PPP2R5C: variants seen among roughly 807,000 people sequenced by gnomAD.
PPP2R5C encodes the protein serine/threonine-protein phosphatase 2A 56 kDa regulatory subunit gamma isoform.
Under a neutral mutation model 68.9 loss-of-function variants are expected in PPP2R5C, and 7 were observed. The observed-to-expected ratio is 0.10, with a 90% CI of 0.06 to 0.19. The LOEUF is 0.19. PPP2R5C is among the 10% of genes least tolerant of loss of function. The pLI, the probability that PPP2R5C is intolerant of heterozygous loss-of-function variation, is 1.00. For missense variants in PPP2R5C, 348 were observed against 641.3 expected, an observed-to-expected ratio of 0.54 and a Z score of 4.94; for synonymous variants, 210 against 222.2, an observed-to-expected ratio of 0.95 and a Z score of 0.49.
rs1000920904 is a variant in PPP2R5C, at chr14:101,835,351, C to G, written c.95-21335C>G. Among the ~76,000 whole-genome samples the G allele has an allele frequency of 6.6e-6, 1 of 152,194 alleles. No homozygotes were observed. The highest frequency in any genetic ancestry group is 2.4e-5 in the African/African-American group (1 of 41,432). On this transcript the variant is annotated intron_variant, in intron 1 of 13. Transcript: ENST00000334743. This position sits in a 1 kb window ranked among gnomAD's most constrained non-coding sequence, Gnocchi z 5.0. ...CGTGGCCTAAACTCCACAGTGACTT[C>G]CACCTGGGATCACAGTTTACAGTCA... is the stretch of plus-strand genomic sequence containing the variant.
chr14:101,810,703 A>T (rs1401914088), intron 1 of PPP2R5C, among the ~76,000 whole-genome samples: 3 of 152,216 alleles, frequency 2.0e-5, no homozygotes. Flanking sequence ...TTAAAATTTT[A>T]AATGGCAACA....
chr14:101,919,662 TAC>T (rs1241211857), intron 13 of PPP2R5C, among the ~76,000 whole-genome samples: 2 of 152,172 alleles, frequency 1.3e-5, no homozygotes, highest in African/African-American at 4.8e-5. Flanking sequence ...CACGAGGCTA[TAC>T]ACAGTTAAAA....
chr14:101,869,296 C>G (rs1043571385), intron 2 of PPP2R5C, among the ~76,000 whole-genome samples: 3 of 152,194 alleles, frequency 2.0e-5, no homozygotes, highest in Non-Finnish European at 2.9e-5. Context: ...AGTGTTGTCT[C>G]ATTATATAAA....
chr14:101,919,969 C>CCAAAAAAAAAAAAAAAAAA (rs775818748), intron 13 of PPP2R5C, among the ~76,000 whole-genome samples: 8 of 52,864 alleles, frequency 1.5e-4, no homozygotes, highest in Non-Finnish European at 2.7e-4. Context: ...AACTCCGTCT[C>CCAAAAAAAAAAAAAAAAAA]AAAAAAAAAA....
chr14:101,902,928 T>C (rs760025227), intron 9 of PPP2R5C, among the ~76,000 whole-genome samples: 9 of 152,028 alleles, frequency 5.9e-5, no homozygotes, highest in Non-Finnish European at 1.0e-4. Context: ...GTGTAGTCTC[T>C]TCCATACAAA....
Position 101,811,926 on chromosome 14 carries a change from G to GTTGGTTGC in PPP2R5C, c.94+1894_94+1901dup, listed in dbSNP as rs1260845759. Among the ~76,000 whole-genome samples the GTTGGTTGC allele has an allele frequency of 2.6e-5, 4 of 152,178 alleles. No homozygotes were observed. The South Asian group carries it at 8.3e-4, about 32-fold the overall frequency. On this transcript the variant is annotated intron_variant, in intron 1 of 13. Transcript: ENST00000334743. ...TGTATTTGTTGCTGTTGGTTGGGTG[G>GTTGGTTGC]TTGGTTGCTTGCTGTATAATTGTGG...
Position 101,888,735 on chromosome 14 carries a change from G to C in PPP2R5C, c.630-1502G>C, listed in dbSNP as rs534488116. ...GCCTCCCACATATGTGGGATTACAGGCATGTGCCACCATGCCCGGCTAATT... is the reference window on the plus strand; with the variant it reads ...GCCTCCCACATATGTGGGATTACAGCCATGTGCCACCATGCCCGGCTAATT... On this transcript the variant is annotated intron_variant, in intron 5 of 13. Transcript: ENST00000334743. The surrounding 1 kb of genome is among the most constrained non-coding windows in gnomAD (Gnocchi z 5.6). 2.0e-4 allele frequency among the ~76,000 whole-genome samples: 31 copies of C among 152,256 alleles called. No homozygotes were observed. Among genetic ancestry groups the C allele is most frequent in the African/African-American group, 7.5e-4 (31 of 41,552 alleles).
intron 13 of PPP2R5C, among the ~76,000 whole-genome samples, chr14:101,919,969 CA>C (rs34641396): frequency 4.7e-3 from 249 of 52,880 alleles, no homozygotes; most frequent in African/African-American, 0.013. Flanking sequence ...AACTCCGTCT[CA>C]AAAAAAAAAA....
intron 2 of PPP2R5C, among the ~76,000 whole-genome samples, chr14:101,871,103 G>T (rs2043380794): frequency 6.6e-6 from 1 of 152,080 alleles, no homozygotes; most frequent in Non-Finnish European, 1.5e-5. Context: ...GCGCTCTTCT[G>T]ACTAGTGTTG....
At chr14:101,809,405 C>CCA, upstream of PPP2R5C, among the ~76,000 whole-genome samples, 1 of 136,924 alleles carries the variant, frequency 7.3e-6, no homozygotes, top group South Asian at 2.3e-4. Context: ...AAAAAAAAAA[C>CCA]AAAAAAAAAA....
At position 101,783,394 on chromosome 14, in the gene PPP2R5C, A is replaced by C. The variant is rs2037928618; in HGVS notation, c.94-2624A>C. On this transcript the variant is annotated intron_variant, in intron 2 of 14. Coordinates refer to the PPP2R5C transcript ENST00000328724. ...GGAGAGGCCCTGCCCTCCTGAGCTG[A>C]TGTCCCATCGGGGAGGAAGATGCCC... 2.7e-5 allele frequency among the ~76,000 whole-genome samples: 4 copies of C among 150,606 alleles called. No individual in the cohort carries two copies. The South Asian group carries it at 8.5e-4, about 32-fold the overall frequency.
At chr14:101,786,841 G>A (rs2038111832) in intron 3 of PPP2R5C, among the ~76,000 whole-genome samples, 1 of 152,168 alleles carries the variant, frequency 6.6e-6, no homozygotes, top group South Asian at 2.1e-4. Flanking sequence ...AAAGTCAAAT[G>A]TGAACCTCTT....
intron 1 of PPP2R5C, among the ~76,000 whole-genome samples, chr14:101,829,524 T>C (rs1482487731): frequency 1.3e-5 from 2 of 152,194 alleles, no homozygotes; most frequent in African/African-American, 4.8e-5. Context: ...CTGAAGTAAT[T>C]GAGCTTGTTG....
intron 2 of PPP2R5C, among the ~76,000 whole-genome samples, chr14:101,858,408 C>T (rs868009147): frequency 2.0e-5 from 3 of 152,016 alleles, no homozygotes; most frequent in East Asian, 1.9e-4. Context: ...GCATAGAATC[C>T]GTAATGATCA....
At chr14:101,771,681 G>C (rs2037158420) in intron 2 of PPP2R5C, among the ~76,000 whole-genome samples, 1 of 151,946 alleles carries the variant, frequency 6.6e-6, no homozygotes, top group African/African-American at 2.4e-5. Context: ...AGTGAGCTGA[G>C]ATCACACCAC....
intron 2 of PPP2R5C, among the ~76,000 whole-genome samples, chr14:101,881,931 G>A (rs1741157): frequency 0.35 from 52,744 of 152,036 alleles, 13,540 homozygotes; most frequent in African/African-American, 0.73. Flanking sequence ...AAGAGTCCAA[G>A]TAACTTTGGT....
At chr14:101,897,825 T>C (rs2045440343) in intron 8 of PPP2R5C, among the ~76,000 whole-genome samples, 1 of 151,500 alleles carries the variant, frequency 6.6e-6, no homozygotes, top group Non-Finnish European at 1.5e-5. Flanking sequence ...AAAAAAAAAT[T>C]TATCTCTCCC....
chr14:101,807,921 A>G (rs569477442), upstream of PPP2R5C, among the ~76,000 whole-genome samples: 3 of 150,184 alleles, frequency 2.0e-5, no homozygotes, highest in African/African-American at 7.4e-5. Flanking sequence ...GCACAGTTGT[A>G]GGATAGGCAC....
chr14:101,783,838 G>A (rs578094248), intron 2 of PPP2R5C, among the ~76,000 whole-genome samples: 44 of 152,346 alleles, frequency 2.9e-4, no homozygotes, highest in African/African-American at 8.7e-4. Context: ...GAACACGCAC[G>A]TATGTGACTG....
Sources: gnomAD v4.1 joint callset for allele counts (sites outside exome capture counted in the v4.1 genomes callset) on GRCh38, gnomAD v4.1.1 for gene constraint, Gnocchi (gnomAD v3.1) non-coding constraint, MANE v1.5 for transcripts, NCBI Gene and HGNC (gene_info 2026-07-23, HGNC 2026-07-21) for gene names.